The following NUP153 variants were observed in gnomAD, a reference collection of about 807,000 sequenced individuals.
NUP153 encodes nucleoporin 153.
A neutral mutation model predicts 134.6 loss-of-function variants in NUP153; 27 were observed. That is an observed-to-expected ratio of 0.20 (90% confidence interval 0.15 to 0.28). The LOEUF (loss-of-function observed/expected upper bound fraction) is 0.28. Ranked by LOEUF, NUP153 falls within the 10% of genes least tolerant of loss-of-function variation. The pLI, the probability that NUP153 is intolerant of heterozygous loss-of-function variation, is 1.00. For missense variants in NUP153, 1,821 were observed against 1,731.3 expected (o/e 1.05, Z -0.92); for synonymous variants, 640 against 623.5 (o/e 1.03, Z -0.40).
intron 5 of NUP153, among the ~76,000 whole-genome samples, chr6:17,671,595 A>G (rs1178608880): frequency 6.6e-6 from 1 of 152,192 alleles, no homozygotes; most frequent in Non-Finnish European, 1.5e-5. Context: ...ACTACAAAAC[A>G]CTGATGAAAA....
At position 17,706,509 on chromosome 6, in the gene NUP153, A is replaced by G; in HGVS notation, c.-122T>C. 2 of 683,522 alleles carry G rather than the reference A, an allele frequency of 2.9e-6. No individual in the cohort carries two copies. Among genetic ancestry groups the G allele is most frequent in the South Asian group, 1.8e-5 (1 of 54,222 alleles). 42.3% of individuals were successfully genotyped at this position (683,522 alleles called of 1,614,324 possible). On this transcript the variant is annotated 5_prime_UTR_variant, in exon 1 of 22. Coordinates refer to ENST00000262077, the MANE Select transcript of NUP153 (RefSeq NM_005124.4). This position sits in a 1 kb window ranked among gnomAD's most constrained non-coding sequence, Gnocchi z 5.9. ...GCCCAAAAGTCCGCCCGCGCTGTCC[A>G]CACAGTGGGCACAAGCACCCCAGGA...
chr6:17,704,462 C>T (rs1164992720), intron 1 of NUP153, among the ~76,000 whole-genome samples: 1 of 152,156 alleles, frequency 6.6e-6, no homozygotes, highest in Admixed American at 6.6e-5. Flanking sequence ...AGAAAGCATG[C>T]ATGTGTAACT....
chr6:17,704,731 A>T (rs961538418), intron 1 of NUP153, among the ~76,000 whole-genome samples: 2 of 36,240 alleles, frequency 5.5e-5, no homozygotes, highest in African/African-American at 1.8e-4. Context: ...ACTAGAAGAC[A>T]AAAAAAAAAA....
intron 5 of NUP153, 131 bp from the exon 6 acceptor site, chr6:17,669,677 T>C (rs1767778115): frequency 4.5e-6 from 3 of 660,302 alleles, no homozygotes; most frequent in Non-Finnish European, 5.4e-6. Context: ...CAGCAATTTA[T>C]CTTTGGGTGG....
chr6:17,700,637 G>A (rs981423929), intron 1 of NUP153, among the ~76,000 whole-genome samples: 9 of 152,110 alleles, frequency 5.9e-5, no homozygotes, highest in Non-Finnish European at 1.0e-4. Context: ...TACCAGGCAG[G>A]ACATACTTAT....
chr6:17,694,501 T>C (rs891853985), intron 1 of NUP153, among the ~76,000 whole-genome samples: 18 of 143,418 alleles, frequency 1.3e-4, no homozygotes, highest in African/African-American at 2.1e-4. Flanking sequence ...TCTACAGAAA[T>C]ACAAAATTCA....
At chr6:17,658,663 G>C (rs1766985914) in intron 11 of NUP153, among the ~76,000 whole-genome samples, 1 of 152,132 alleles carries the variant, frequency 6.6e-6, no homozygotes, top group Non-Finnish European at 1.5e-5. Context: ...AAATTGGAAA[G>C]GTGAAAAAGC....
chr6:17,661,881 G>A (rs566639234), intron 10 of NUP153, 102 bp from the exon 11 acceptor site: 12 of 1,281,876 alleles, frequency 9.4e-6, no homozygotes, highest in Middle Eastern at 2.0e-4. Context: ...ACAGCTGAAC[G>A]TGATTCTAAA....
chr6:17,666,993 G>A (rs936859106), intron 8 of NUP153, among the ~76,000 whole-genome samples: 2 of 152,126 alleles, frequency 1.3e-5, no homozygotes, highest in African/African-American at 4.8e-5. Context: ...GTGAAACATG[G>A]GCTATGATAC....
chr6:17,633,425 C>T (rs925649260), intron 16 of NUP153, among the ~76,000 whole-genome samples: 15 of 152,206 alleles, frequency 9.9e-5, no homozygotes, highest in African/African-American at 3.1e-4. Flanking sequence ...ACATTTGTTA[C>T]ATGCTAGCCA....
chr6:17,672,450 C>T (rs575037122), intron 5 of NUP153, among the ~76,000 whole-genome samples: 4 of 152,172 alleles, frequency 2.6e-5, no homozygotes, highest in Admixed American at 1.3e-4. Context: ...GTGGCACACG[C>T]CTGTGGTCCC....
At chr6:17,634,446 T>C (rs1467173536) in intron 16 of NUP153, among the ~76,000 whole-genome samples, 1 of 152,104 alleles carries the variant, frequency 6.6e-6, no homozygotes, top group African/African-American at 2.4e-5. Flanking sequence ...CATACATTTT[T>C]TTTTTTTTGA....
At chr6:17,640,230 T>A (rs1765765093) in intron 14 of NUP153, among the ~76,000 whole-genome samples, 166 bp from the exon 15 acceptor site, 1 of 152,156 alleles carries the variant, frequency 6.6e-6, no homozygotes, top group Non-Finnish European at 1.5e-5. Context: ...TAATTTGCCA[T>A]TACAAGGAGA....
At chr6:17,645,047 T>G (rs1163086235) in intron 14 of NUP153, among the ~76,000 whole-genome samples, 1 of 151,886 alleles carries the variant, frequency 6.6e-6, no homozygotes, top group Non-Finnish European at 1.5e-5. Flanking sequence ...ATTACGCCAC[T>G]GTACTCCAAC....
At chr6:17,643,418 G>T (rs887207707) in intron 14 of NUP153, among the ~76,000 whole-genome samples, 1 of 152,184 alleles carries the variant, frequency 6.6e-6, no homozygotes, top group Non-Finnish European at 1.5e-5. Flanking sequence ...GTTGCGGTGA[G>T]CTGAGATTGT....
chr6:17,627,137 A>G (rs924873879), intron 18 of NUP153, among the ~76,000 whole-genome samples: 1 of 152,218 alleles, frequency 6.6e-6, no homozygotes, highest in African/African-American at 2.4e-5. Flanking sequence ...TATGGGCATT[A>G]GTATGACTTA....
At position 17,688,511 on chromosome 6, in the gene NUP153, G is replaced by C. The variant is rs1295011678; in HGVS notation, c.219C>G (p.Ser73Arg). 6 of 1,613,850 alleles carry C rather than the reference G, an allele frequency of 3.7e-6. No homozygotes were observed. The highest frequency in any genetic ancestry group is 2.7e-5 in the African/African-American group (2 of 74,888). The change falls in exon 2 of 22, where the codon AGC (serine) becomes AGG (arginine). Residue 73 changes from serine to arginine, a missense_variant. Coordinates refer to ENST00000262077, the MANE Select transcript of NUP153 (RefSeq NM_005124.4). ...TATTTTCTGGCCAGCGTGGAACCTC[G>C]CTTGTGTCTGTTGAACAGCTGCATA... ...EDVCSCSTDT[S>R]EVPRWPENKE...
In NUP153 at chr6:17,637,319, A is replaced by G. The variant is rs753417739; in HGVS notation, c.2298T>C (p.Ser766=). Residue 766 remains serine, a synonymous_variant, in exon 16 of 22, where the codon AGT becomes AGC. Coordinates refer to ENST00000262077, the MANE Select transcript of NUP153 (RefSeq NM_005124.4). The part of the protein sequence containing the change: ...RALTLTVVSE[S]AETMTASSSS... ...AAGATGAAGCAGTCATAGTCTCAGC[A>G]CTTTCCGAAACCACTGTCAATGTAA... The G allele has an allele frequency of 1.7e-5, 27 of 1,614,072 alleles. No individual in the cohort carries two copies. The highest frequency in any genetic ancestry group is 1.0e-4 in the Admixed American group (6 of 59,996).
intron 11 of NUP153, among the ~76,000 whole-genome samples, chr6:17,661,073 G>GC (rs1767146327): frequency 6.6e-6 from 1 of 152,172 alleles, no homozygotes; most frequent in African/African-American, 2.4e-5. Context: ...CCAGCACTTT[G>GC]CAAGGCCGAG....
Sources: allele counts gnomAD v4.1 joint callset (sites outside exome capture counted in the v4.1 genomes callset), GRCh38; gene constraint gnomAD v4.1.1; non-coding constraint Gnocchi (gnomAD v3.1); transcripts MANE v1.5; gene names NCBI Gene and HGNC (gene_info 2026-07-23, HGNC 2026-07-21).